The following NRXN1 variants were observed in gnomAD, a reference collection of about 807,000 sequenced individuals.
NRXN1 encodes the protein neurexin 1, also known as neurexin-1.
In NRXN1, 39 loss-of-function variants were observed where a neutral mutation model predicts 150.9. The ratio of observed to expected loss-of-function variants is 0.26; its 90% CI spans 0.20 to 0.34. The LOEUF (loss-of-function observed/expected upper bound fraction) is 0.34, where lower values mean the gene tolerates loss of function less well. Among genes scored for constraint, NRXN1 ranks in the 10% least tolerant of loss-of-function variants. The pLI is 1.00. For synonymous variants in NRXN1, 924 were observed against 757.0 expected (o/e 1.22, Z -3.62); for missense variants, 1,815 against 1,949.9 (o/e 0.93, Z 1.30).
At chr2:50,636,631 T>C (rs912173784) in intron 5 of NRXN1, among the ~76,000 whole-genome samples, 1 of 152,172 alleles carries the variant, frequency 6.6e-6, no homozygotes, top group Non-Finnish European at 1.5e-5. Flanking sequence ...GAACTTCCCA[T>C]AGCAACCCCT....
chr2:50,301,403 G>C (rs577374085), intron 17 of NRXN1, among the ~76,000 whole-genome samples: 1 of 152,322 alleles, frequency 6.6e-6, no homozygotes, highest in East Asian at 1.9e-4. Context: ...TGACTCCAGA[G>C]TCCATATACT....
intron 2 of NRXN1, among the ~76,000 whole-genome samples, chr2:51,006,412 G>T (rs1313739194): frequency 1.3e-5 from 2 of 151,440 alleles, no homozygotes; most frequent in Admixed American, 6.6e-5. Context: ...GGGGAAGGGG[G>T]GAGGGATAGC....
intron 18 of NRXN1, among the ~76,000 whole-genome samples, chr2:50,197,485 C>T (rs73932984): frequency 0.019 from 2,904 of 152,180 alleles, 97 homozygotes; most frequent in African/African-American, 0.067. Flanking sequence ...AATGTAATGA[C>T]GTTTTTGATG....
intron 18 of NRXN1, among the ~76,000 whole-genome samples, chr2:50,156,307 G>C (rs2152779206): frequency 6.6e-6 from 1 of 151,984 alleles, no homozygotes; most frequent in East Asian, 1.9e-4. Flanking sequence ...CATTAAATAA[G>C]TAGGATAGCA....
chr2:50,483,826 A>G (rs1164978185), intron 15 of NRXN1, among the ~76,000 whole-genome samples: 2 of 152,228 alleles, frequency 1.3e-5, no homozygotes, highest in Non-Finnish European at 2.9e-5. Flanking sequence ...ATTAAAAGAG[A>G]CTGATAAATA....
chr2:50,623,461 A>G lies in NRXN1; in HGVS notation c.987T>C (p.Asp329=), dbSNP rs1404653942. 1.4e-5 allele frequency: 23 copies of G among 1,613,372 alleles called. 1 individual carries two copies. Among genetic ancestry groups the G allele is most frequent in the Non-Finnish European group, 1.9e-5 (23 of 1,179,558 alleles). Residue 329 remains aspartate (D), a synonymous_variant, in exon 6 of 23, where the codon GAT becomes GAC. Coordinates refer to ENST00000401669, the MANE Select transcript of NRXN1 (RefSeq NM_001330078.2). ...CATTTTTCAGGGCAAGATTGACATA[A>G]TCAGCCGATTTCCCAGTGTGAAGCA... ...GLMLHTGKSA[D]YVNLALKNGA...
At chr2:50,329,537 C>T (rs1053327731) in intron 17 of NRXN1, among the ~76,000 whole-genome samples, 4 of 137,644 alleles carry the variant, frequency 2.9e-5, no homozygotes, top group African/African-American at 1.1e-4. Context: ...ACACTTCGTA[C>T]ACAATACAAA....
At chr2:50,460,624 T>C (rs1016696785) in intron 17 of NRXN1, among the ~76,000 whole-genome samples, 9 of 152,092 alleles carry the variant, frequency 5.9e-5, no homozygotes, top group African/African-American at 2.2e-4. Flanking sequence ...CGTAAAATAG[T>C]AGCAGATAGC....
intron 12 of NRXN1, 196 bp from the exon 13 acceptor site, chr2:50,506,813 A>G (rs2092248775): frequency 3.5e-6 from 2 of 575,428 alleles, no homozygotes; most frequent in Non-Finnish European, 3.1e-6. Flanking sequence ...CAAGCCCATT[A>G]GAGTCATAGC....
intron 21 of NRXN1, among the ~76,000 whole-genome samples, chr2:50,025,378 G>C (rs1688130836): frequency 6.6e-6 from 1 of 152,138 alleles, no homozygotes; most frequent in Non-Finnish European, 1.5e-5. Flanking sequence ...AAGAAGACTG[G>C]CTTATACGGC....
chr2:50,093,613 G>T (rs555412241), intron 18 of NRXN1, among the ~76,000 whole-genome samples: 1 of 152,160 alleles, frequency 6.6e-6, no homozygotes, highest in Admixed American at 6.5e-5. Flanking sequence ...CTGCCTGGTT[G>T]ACAGCGTAAG....
chr2:50,810,832 G>A (rs1668114864), intron 5 of NRXN1, among the ~76,000 whole-genome samples: 1 of 152,004 alleles, frequency 6.6e-6, no homozygotes, highest in South Asian at 2.1e-4. Context: ...TACAAAAAAT[G>A]AGCCAGATGT....
intron 5 of NRXN1, among the ~76,000 whole-genome samples, chr2:50,906,064 C>T (rs1683626897): frequency 6.6e-6 from 1 of 152,036 alleles, no homozygotes; most frequent in Admixed American, 6.6e-5. Flanking sequence ...ATAGTGGATT[C>T]AGATTGATGT....
intron 18 of NRXN1, among the ~76,000 whole-genome samples, chr2:50,096,211 G>A (rs115549899): frequency 0.013 from 1,989 of 152,018 alleles, 43 homozygotes; most frequent in African/African-American, 0.045. Context: ...TTGAAAAACA[G>A]TTTAATTATA....
intron 5 of NRXN1, among the ~76,000 whole-genome samples, chr2:50,700,247 C>T (rs564064120): frequency 6.6e-6 from 1 of 152,302 alleles, no homozygotes; most frequent in Non-Finnish European, 1.5e-5. Context: ...CCACCACAAG[C>T]TCCATTTGGA....
chr2:50,788,101 T>G (rs1443550120), intron 5 of NRXN1, among the ~76,000 whole-genome samples: 2 of 151,674 alleles, frequency 1.3e-5, no homozygotes, highest in African/African-American at 4.8e-5. Context: ...TCGCCACCTT[T>G]TTTTTTTTTG....
intron 18 of NRXN1, among the ~76,000 whole-genome samples, chr2:50,220,938 C>G (rs2063835158): frequency 1.3e-5 from 2 of 151,958 alleles, no homozygotes; most frequent in Non-Finnish European, 1.5e-5. Flanking sequence ...ATTAAATATC[C>G]TGCCCACCAT....
At chr2:50,107,413 AAGAGATTATTAGGGGCTGTTT>A (rs1701802701) in intron 18 of NRXN1, among the ~76,000 whole-genome samples, 3 of 151,116 alleles carry the variant, frequency 2.0e-5, no homozygotes, top group African/African-American at 7.3e-5. Flanking sequence ...TAAATTTTTA[AAGAGATTATTAGGGGCTGTTT>A]AAAATTATTA....
At chr2:50,484,303 C>T (rs551997116) in intron 15 of NRXN1, among the ~76,000 whole-genome samples, 4 of 151,944 alleles carry the variant, frequency 2.6e-5, no homozygotes, top group Non-Finnish European at 4.4e-5. Flanking sequence ...CTTCTGTGCT[C>T]GAAAGATGGA....
Sources: allele counts gnomAD v4.1 joint callset (sites outside exome capture counted in the v4.1 genomes callset), GRCh38; gene constraint gnomAD v4.1.1; transcripts MANE v1.5; gene names NCBI Gene and HGNC (gene_info 2026-07-23, HGNC 2026-07-21).